HEG1: variants seen among roughly 807,000 people sequenced by gnomAD.
HEG1 encodes the protein protein HEG homolog 1.
A neutral mutation model predicts 125.6 loss-of-function variants in HEG1; 56 were observed. The observed-to-expected ratio is 0.45, with a 90% CI of 0.36 to 0.56. The LOEUF (loss-of-function observed/expected upper bound fraction) is 0.56, where lower values mean the gene tolerates loss of function less well. Among genes scored for constraint, HEG1 ranks in the 20% least tolerant of loss-of-function variants. The pLI is 0.00. For synonymous variants in HEG1, 644 were observed against 668.5 expected, an observed-to-expected ratio of 0.96 and a Z score of 0.57; for missense variants, 1,523 against 1,670.0, an observed-to-expected ratio of 0.91 and a Z score of 1.53.
At chr3:125,040,075 G>C (rs760912912) in intron 1 of HEG1, among the ~76,000 whole-genome samples, 4 of 152,204 alleles carry the variant, frequency 2.6e-5, no homozygotes, top group Non-Finnish European at 4.4e-5. Flanking sequence ...ATAACGAAAA[G>C]AATAAGAGAG....
At chr3:125,009,934 C>G in intron 7 of HEG1, 110 bp from the exon 8 acceptor site, 2 of 1,122,884 alleles carry the variant, frequency 1.8e-6, no homozygotes, top group Admixed American at 2.8e-5. Context: ...TGTGGTGAGA[C>G]CCCAAAGGAT....
chr3:125,010,509 G>T lies in HEG1; in HGVS notation c.3003C>A (p.Val1001=). ...VNPCLHNGEC[V]ADNTSRGYHC... ...GGTAGCCACGGCTGGTGTTGTCTGC[G>T]ACGCATTCGCCATTGTGAAGACAAG... is the stretch of plus-strand genomic sequence containing the variant. Residue 1001 remains valine, a synonymous_variant, in exon 7 of 17, where the codon GTC becomes GTA. Coordinates refer to ENST00000311127, the MANE Select transcript of HEG1 (RefSeq NM_020733.2). 6.4e-7 allele frequency: 1 copy of T among 1,560,250 alleles called. No individual in the cohort carries two copies. Among genetic ancestry groups the T allele is most frequent in the Non-Finnish European group, 8.7e-7 (1 of 1,151,554 alleles).
In HEG1 at chr3:125,019,380, G is replaced by T; in HGVS notation, c.1470C>A (p.Asp490Glu). 2 of 1,614,012 alleles carry T rather than the reference G, an allele frequency of 1.2e-6. No individual in the cohort carries two copies. Among genetic ancestry groups the T allele is most frequent in the Non-Finnish European group, 1.7e-6 (2 of 1,179,872 alleles). The part of the protein sequence containing the change: ...VNASVLTQFS[D>E]STVQSGGSHT... ...GACTTCCTCCAGACTGTACAGTAGA[G>T]TCTGAGAACTGGGTCAACACTGAAG... Residue 490 changes from aspartate to glutamate, a missense_variant, in exon 5 of 17, where the codon GAC becomes GAA. By Grantham distance (45) the Asp-to-Glu change is conservative (BLOSUM62 2). Coordinates refer to ENST00000311127, the MANE Select transcript of HEG1 (RefSeq NM_020733.2).
intron 4 of HEG1, 31 bp downstream of exon 4, chr3:125,020,761 C>T: frequency 6.4e-7 from 1 of 1,564,772 alleles, no homozygotes; most frequent in Non-Finnish European, 8.7e-7. Context: ...ACAAATGTCC[C>T]TAATAGATCA....
chr3:124,971,484 TTTTC>T (rs1326388987), intron 16 of HEG1, among the ~76,000 whole-genome samples: 5 of 151,544 alleles, frequency 3.3e-5, no homozygotes, highest in African/African-American at 1.2e-4. Context: ...CTTTCTTTTC[TTTTC>T]TTTTTCTTTT....
At chr3:125,003,411 G>A (rs1336269722) in intron 9 of HEG1, among the ~76,000 whole-genome samples, 3 of 152,226 alleles carry the variant, frequency 2.0e-5, no homozygotes, top group Non-Finnish European at 4.4e-5. Flanking sequence ...CCAACAGGCA[G>A]CTGTGGCGAA....
At chr3:125,005,391 T>A (rs1314865827) in intron 8 of HEG1, 23 bp from the exon 9 acceptor site, 1 of 1,344,618 alleles carries the variant, frequency 7.4e-7, no homozygotes. Flanking sequence ...ATGTAACTTG[T>A]TAGATTACAC....
chr3:124,981,778 G>A (rs1936658537), intron 14 of HEG1, among the ~76,000 whole-genome samples: 1 of 152,030 alleles, frequency 6.6e-6, no homozygotes, highest in Admixed American at 6.6e-5. Flanking sequence ...CACTGCCTCG[G>A]GTAATGGTGG....
Position 124,969,533 on chromosome 3 carries a change from G to T in HEG1, c.*1119C>A, listed in dbSNP as rs1238417810. ...GTTTACATGGGGTTTGTGGACATGA[G>T]ATTCTGGGTACAAAGTGCTGCAGTA... On this transcript the variant is annotated 3_prime_UTR_variant, in exon 17 of 17. Coordinates refer to ENST00000311127, the MANE Select transcript of HEG1 (RefSeq NM_020733.2). 1.3e-5 allele frequency: 2 copies of T among 152,232 alleles called. No homozygotes were observed. Among genetic ancestry groups the T allele is most frequent in the Non-Finnish European group, 2.9e-5 (2 of 68,056 alleles). 9.4% of individuals were successfully genotyped at this position (152,232 alleles called of 1,614,324 possible).
chr3:125,015,615 A>G (rs1937233556), intron 5 of HEG1, among the ~76,000 whole-genome samples: 1 of 152,216 alleles, frequency 6.6e-6, no homozygotes, highest in African/African-American at 2.4e-5. Context: ...CAGACGACAC[A>G]TGAATAAATG....
rs1164597991 is a variant in HEG1 at position 125,019,596 on chromosome 3, G to T, written c.1254C>A (p.Thr418=). ...TSLRWQNDSP[T]FGEHQLASSS... ...TGCTGGCAAGCTGATGTTCTCCAAA[G>T]GCTGTAAGGTAATATAGGAAAAAAA... is the stretch of plus-strand genomic sequence containing the variant. Residue 418 remains threonine, a splice_region_variant and synonymous_variant, in exon 5 of 17, where the codon ACC becomes ACA. Coordinates refer to ENST00000311127, the MANE Select transcript of HEG1 (RefSeq NM_020733.2). 1 of 1,601,906 alleles carries T rather than the reference G, an allele frequency of 6.2e-7. No individual in the cohort carries two copies. The highest frequency in any genetic ancestry group is 1.7e-5 in the Admixed American group (1 of 59,838).
At chr3:124,980,781 G>A (rs1028358390) in intron 14 of HEG1, among the ~76,000 whole-genome samples, 38 of 151,532 alleles carry the variant, frequency 2.5e-4, no homozygotes, top group African/African-American at 8.7e-4. Context: ...GGCCTCCCAC[G>A]GTGCTGGGAT....
rs375024895 is a variant in HEG1, at chr3:125,013,130, G to T, written c.2449C>A (p.Pro817Thr). The T allele has an allele frequency of 2.5e-6, 4 of 1,613,916 alleles. No homozygotes were observed. Among genetic ancestry groups the T allele is most frequent in the Non-Finnish European group, 3.4e-6 (4 of 1,179,906 alleles). The change falls in exon 6 of 17, where the codon CCA becomes ACA. Residue 817 changes from proline to threonine, a missense_variant. Transcript: ENST00000311127. ...KAVTTNSPLP[P>T]SLTESSTEQT... ...TCTGTGGAGGACTCTGTTAAGGATG[G>T]AGGCAAAGGAGAGTTTGTTGTTACA...
intron 8 of HEG1, among the ~76,000 whole-genome samples, chr3:125,005,613 G>A (rs1004231364): frequency 1.3e-5 from 2 of 152,154 alleles, no homozygotes; most frequent in Non-Finnish European, 2.9e-5. Context: ...AAACTCCAAA[G>A]AGCCTTTTTT....
At chr3:124,992,584 C>T (rs1037119103) in intron 12 of HEG1, among the ~76,000 whole-genome samples, 6 of 151,746 alleles carry the variant, frequency 4.0e-5, no homozygotes, top group African/African-American at 1.5e-4. Context: ...GCATGCATGG[C>T]TGGGGGTGAG....
intron 6 of HEG1, among the ~76,000 whole-genome samples, chr3:125,010,946 T>C (rs1937149647): frequency 6.6e-6 from 1 of 152,260 alleles, no homozygotes. Flanking sequence ...ATTCCCCCGC[T>C]AGAAGATTTA....
chr3:124,974,231 G>A (rs865949219), intron 15 of HEG1, among the ~76,000 whole-genome samples: 56 of 152,162 alleles, frequency 3.7e-4, no homozygotes, highest in Non-Finnish European at 4.6e-4. Flanking sequence ...GGGTGGCCAG[G>A]AAAACAAGGG....
intron 15 of HEG1, among the ~76,000 whole-genome samples, chr3:124,975,068 C>T (rs1455715704): frequency 2.6e-5 from 4 of 152,220 alleles, no homozygotes; most frequent in African/African-American, 9.6e-5. Context: ...TTCCTAGTCT[C>T]ATCCCCTGAA....
chr3:125,011,288 T>C (rs4679232), intron 6 of HEG1, among the ~76,000 whole-genome samples: 28,494 of 151,664 alleles, frequency 0.19, 3,679 homozygotes, highest in East Asian at 0.47. Flanking sequence ...GAGCTAAACC[T>C]AAAGATGGTG....
Sources: allele counts gnomAD v4.1 joint callset (sites outside exome capture counted in the v4.1 genomes callset), GRCh38; gene constraint gnomAD v4.1.1; transcripts MANE v1.5; gene names NCBI Gene and HGNC (gene_info 2026-07-23, HGNC 2026-07-21).